Variants in PDSS1 observed in about 807,000 individuals in gnomAD.
PDSS1 encodes all trans-polyprenyl-diphosphate synthase PDSS1.
In PDSS1, 43 loss-of-function variants were observed where a neutral mutation model predicts 57.5. The observed-to-expected ratio is 0.75, with a 90% CI of 0.59 to 0.96. PDSS1 has a LOEUF of 0.96. Among genes scored for constraint, PDSS1 ranks in the 50% least tolerant of loss-of-function variants. The pLI, the probability that PDSS1 is intolerant of heterozygous loss-of-function variation, is 0.00. For missense variants in PDSS1, 438 were observed against 527.8 expected, an observed-to-expected ratio of 0.83 and a Z score of 1.67; for synonymous variants, 175 against 191.3, an observed-to-expected ratio of 0.91 and a Z score of 0.70.
chr10:26,713,155 G>A lies in PDSS1; in HGVS notation c.467+3387G>A, dbSNP rs139924198. On this transcript the variant is annotated intron_variant, in intron 5 of 11. Transcript: ENST00000376215. Reference sequence around the variant, plus strand: ...AAAATACAAAAAATTAGCTGGGCATGGTGGCACGCACCTGTCGTCCCAGCT... The same window carrying A: ...AAAATACAAAAAATTAGCTGGGCATAGTGGCACGCACCTGTCGTCCCAGCT... 0.015 allele frequency among the ~76,000 whole-genome samples: 1,477 copies of A among 95,590 alleles called. 356 individuals are homozygous for A. In the South Asian group the frequency reaches 0.21, roughly 14 times the overall value. 62.7% of individuals were successfully genotyped at this position (95,590 alleles called of 152,430 possible).
chr10:26,709,621 G>C lies in PDSS1; in HGVS notation c.337-17G>C. 6.2e-7 allele frequency: 1 copy of C among 1,612,916 alleles called. No individual in the cohort carries two copies. Among genetic ancestry groups the C allele is most frequent in the Non-Finnish European group, 8.5e-7 (1 of 1,179,172 alleles). On this transcript the variant is annotated splice_polypyrimidine_tract_variant and intron_variant, in intron 4 of 11. Transcript: ENST00000376215. ...AGTTTTTTGATGCCATTGTGACACAGAGAAACTTTATTTCAGGAACTGCTT... is the reference window on the plus strand; with the variant it reads ...AGTTTTTTGATGCCATTGTGACACACAGAAACTTTATTTCAGGAACTGCTT...
chr10:26,709,530 C>T (rs761129151), intron 4 of PDSS1, 108 bp from the exon 5 acceptor site: 195 of 1,088,474 alleles, frequency 1.8e-4, no homozygotes, highest in Non-Finnish European at 2.3e-4. Flanking sequence ...CATTGCACTC[C>T]AGTCTGGGCA....
intron 8 of PDSS1, among the ~76,000 whole-genome samples, chr10:26,730,543 G>A (rs111387297): frequency 3.3e-5 from 5 of 151,904 alleles, no homozygotes; most frequent in South Asian, 4.2e-4. Context: ...CTGGGAGGTC[G>A]AGGCTGCAGT....
At chr10:26,702,394 A>G (rs1461664817) in intron 2 of PDSS1, among the ~76,000 whole-genome samples, 200 bp downstream of exon 2, 2 of 152,136 alleles carry the variant, frequency 1.3e-5, no homozygotes, top group South Asian at 2.1e-4. Flanking sequence ...AGGAGGGCCT[A>G]TGTGGAGGTA....
At chr10:26,720,774 A>T (rs1282160432) in intron 6 of PDSS1, among the ~76,000 whole-genome samples, 3 of 152,216 alleles carry the variant, frequency 2.0e-5, no homozygotes, top group African/African-American at 7.2e-5. Flanking sequence ...CCTCAGAGAG[A>T]TACTGTTCTG....
Position 26,742,558 on chromosome 10 carries a change from C to A in PDSS1, c.1088C>A (p.Ala363Asp). 6.2e-7 allele frequency: 1 copy of A among 1,609,428 alleles called. No homozygotes were observed. Among genetic ancestry groups the A allele is most frequent in the Non-Finnish European group, 8.5e-7 (1 of 1,176,216 alleles). ...RFSLPGDVDR[A>D]RQYVLQSDGV... ...AGTTTGCCTGGAGATGTAGACAGAG[C>A]TCGACAGTATGTACTACAGGTAAGA... The change falls in exon 11 of 12, where the codon GCT becomes GAT. Residue 363 changes from alanine to aspartate, a missense_variant. Transcript: ENST00000376215.
chr10:26,744,941 A>G (rs193247703), intron 11 of PDSS1, among the ~76,000 whole-genome samples: 145 of 152,072 alleles, frequency 9.5e-4, no homozygotes, highest in African/African-American at 3.1e-3. Flanking sequence ...AGGTGGGTGG[A>G]TCACTTGAGG....
intron 5 of PDSS1, among the ~76,000 whole-genome samples, chr10:26,714,337 G>A (rs1835491160): frequency 6.6e-6 from 1 of 151,934 alleles, no homozygotes; most frequent in African/African-American, 2.4e-5. Context: ...AGCCAGTCGT[G>A]GTGACACACA....
rs1834908028 is a variant in PDSS1 at position 26,697,732 on chromosome 10, G to T, written c.21G>T (p.Arg7=). Residue 7 remains arginine (R), a synonymous_variant, in exon 1 of 12, where the codon CGG becomes CGT. Coordinates refer to ENST00000376215, the MANE Select transcript of PDSS1 (RefSeq NM_014317.5). The part of the protein sequence containing the change: MASRWW[R]WRRGCSWKPA... ...CGACCATGGCCTCGCGCTGGTGGCG[G>T]TGGCGGCGCGGCTGCTCCTGGAAGC... The T allele has an allele frequency of 2.3e-6, 3 of 1,297,144 alleles. No homozygotes were observed. In the African/African-American group the frequency reaches 4.6e-5, roughly 20 times the overall value. 80.4% of individuals were successfully genotyped at this position (1,297,144 alleles called of 1,614,324 possible).
chr10:26,735,616 T>G, intron 10 of PDSS1, 37 bp downstream of exon 10: 1 of 1,148,920 alleles, frequency 8.7e-7, no homozygotes, highest in East Asian at 2.3e-5. Flanking sequence ...CATCACTGCA[T>G]AGCCCCACAG....
At chr10:26,731,357 AAATAATTTAAAAAT>A (rs1173198287) in intron 8 of PDSS1, among the ~76,000 whole-genome samples, 1 of 152,210 alleles carries the variant, frequency 6.6e-6, no homozygotes, top group Non-Finnish European at 1.5e-5. Context: ...ATTAATAAAT[AAATAATTTAAAAAT>A]TTTTTTAAAA....
At chr10:26,704,341 C>T (rs1487153244) in intron 2 of PDSS1, among the ~76,000 whole-genome samples, 1 of 151,886 alleles carries the variant, frequency 6.6e-6, no homozygotes, top group Admixed American at 6.6e-5. Flanking sequence ...ATCTTTTTTC[C>T]TCTGACCAAT....
chr10:26,735,127 T>C, intron 8 of PDSS1, 113 bp from the exon 9 acceptor site: 1 of 780,246 alleles, frequency 1.3e-6, no homozygotes, highest in Non-Finnish European at 2.4e-6. Context: ...ATCTCCTGAG[T>C]GTGTATAATC....
In PDSS1 at chr10:26,697,797, C is replaced by G. The variant is rs1322375252; in HGVS notation, c.86C>G (p.Ala29Gly). The change falls in exon 1 of 12, where the codon GCG (alanine) becomes GGG (glycine). Residue 29 changes from alanine to glycine, a missense_variant. Around this residue, in one of 2 missense-constraint regions of PDSS1, gnomAD observed 154 missense variants for 137.0 expected, o/e 1.12. Transcript: ENST00000376215. ...RSPGPGSPGR[A>G]GPLGPSAAAE... ...CCCGGGCCCGGCTCCCCCGGCCGTG[C>G]GGGACCGTTGGGGCCGAGCGCCGCT... is the stretch of plus-strand genomic sequence containing the variant. 6.0e-6 allele frequency: 8 copies of G among 1,341,646 alleles called. No homozygotes were observed. Among genetic ancestry groups the G allele is most frequent in the Non-Finnish European group, 7.7e-6 (8 of 1,045,280 alleles). The allele number at this position is 1,341,646 out of a possible 1,614,324, so 83.1% of individuals were successfully genotyped here. A position where few individuals can be genotyped will look rare whatever the true frequency, so the allele number is the denominator to read the frequency against.
intron 4 of PDSS1, among the ~76,000 whole-genome samples, chr10:26,706,268 C>G (rs532542332): frequency 5.9e-5 from 9 of 152,146 alleles, no homozygotes; most frequent in Non-Finnish European, 1.0e-4. Flanking sequence ...GACATTTTTT[C>G]TGTCTTTAGA....
chr10:26,719,971 G>A (rs1033377466), intron 5 of PDSS1, among the ~76,000 whole-genome samples: 2 of 152,096 alleles, frequency 1.3e-5, no homozygotes, highest in African/African-American at 4.8e-5. Context: ...ATCGTTTACT[G>A]TTTTTTTGGC....
At chr10:26,716,501 T>G (rs909085653) in intron 5 of PDSS1, among the ~76,000 whole-genome samples, 28 of 152,176 alleles carry the variant, frequency 1.8e-4, no homozygotes, top group East Asian at 1.9e-4. Flanking sequence ...AGACCAGCCT[T>G]GCCAACATGG....
At position 26,735,226 on chromosome 10, in the gene PDSS1, T is replaced by C; in HGVS notation, c.832-14T>C. On this transcript the variant is annotated splice_polypyrimidine_tract_variant and intron_variant, in intron 8 of 11. Transcript: ENST00000376215. ...CTGGAAGCAGCTTATCTCAGAATGC[T>C]CTTTCTGTTTCAGGTCTCTGTTCTA... The C allele has an allele frequency of 1.9e-6, 3 of 1,599,130 alleles. No individual in the cohort carries two copies. The highest frequency in any genetic ancestry group is 2.6e-6 in the Non-Finnish European group (3 of 1,166,312).
intron 8 of PDSS1, among the ~76,000 whole-genome samples, chr10:26,734,923 C>T (rs1366238480): frequency 6.6e-6 from 1 of 152,204 alleles, no homozygotes; most frequent in East Asian, 1.9e-4. Context: ...AGAAGGTTTA[C>T]TTAGCATGTT....
Sources: gnomAD v4.1 joint callset for allele counts (sites outside exome capture counted in the v4.1 genomes callset) on GRCh38, gnomAD v4.1.1 for gene constraint, gnomAD v4.1.1 regional missense constraint, MANE v1.5 for transcripts, NCBI Gene and HGNC (gene_info 2026-07-23, HGNC 2026-07-21) for gene names.